ANKFN1: variants seen among roughly 807,000 people sequenced by gnomAD.
The protein encoded by ANKFN1 is ankyrin repeat and fibronectin type III domain containing 1, also known as ankyrin repeat and fibronectin type-III domain-containing protein 1.
ANKFN1 carries 74 observed loss-of-function variants against 108.7 expected under a neutral mutation model. The observed-to-expected ratio is 0.68, with a 90% confidence interval of 0.56 to 0.83. The LOEUF is 0.83. Ranked by LOEUF, ANKFN1 falls within the 40% of genes least tolerant of loss-of-function variation. The probability of loss-of-function intolerance (pLI) is 0.00; values close to 1 mark genes in which losing one functional copy is unlikely to be tolerated. For synonymous variants in ANKFN1, 547 were observed against 516.2 expected (o/e 1.06, Z -0.81); for missense variants, 1,505 against 1,382.3 (o/e 1.09, Z -1.41).
intron 4 of ANKFN1, among the ~76,000 whole-genome samples, chr17:56,082,249 CA>C (rs1905254790): frequency 6.6e-6 from 1 of 151,580 alleles, no homozygotes; most frequent in African/African-American, 2.4e-5. Flanking sequence ...CTTCCTGATA[CA>C]ACCAAGTTTT....
chr17:56,400,831 T>G (rs2047738401), intron 8 of ANKFN1, among the ~76,000 whole-genome samples: 1 of 152,158 alleles, frequency 6.6e-6, no homozygotes, highest in African/African-American at 2.4e-5. Flanking sequence ...CCAGCACCAT[T>G]TGTTGAAAAG....
intron 3 of ANKFN1, among the ~76,000 whole-genome samples, chr17:56,304,541 C>T (rs1465176713): frequency 6.6e-6 from 1 of 152,118 alleles, no homozygotes; most frequent in Non-Finnish European, 1.5e-5. Context: ...ATGTTAATTA[C>T]ATGCTTAGTT....
chr17:56,104,640 A>G (rs997287845), intron 4 of ANKFN1, among the ~76,000 whole-genome samples: 2 of 152,184 alleles, frequency 1.3e-5, no homozygotes, highest in Admixed American at 1.3e-4. Context: ...CACAGTAGTC[A>G]TGGAGGCTCA....
At chr17:56,429,341 T>C (rs987243473) in intron 8 of ANKFN1, among the ~76,000 whole-genome samples, 1 of 152,238 alleles carries the variant, frequency 6.6e-6, no homozygotes, top group Non-Finnish European at 1.5e-5. Flanking sequence ...CAGATCATGA[T>C]GCCTTGTAGG....
At position 56,428,531 on chromosome 17, in the gene ANKFN1, T is replaced by C. The variant is rs2048651592; in HGVS notation, c.911-11796T>C. Among the ~76,000 whole-genome samples the C allele has an allele frequency of 2.0e-5, 3 of 151,382 alleles. No individual in the cohort carries two copies. In the South Asian group the frequency reaches 6.3e-4, roughly 32 times the overall value. ...AGGCTGGAGTGCAGTGGCACAATCT[T>C]GGCTCACTGCAACCTCCGCCTCCCG... On this transcript the variant is annotated intron_variant, in intron 8 of 20. Coordinates refer to ENST00000682825, the MANE Select transcript of ANKFN1 (RefSeq NM_001370326.1).
intron 4 of ANKFN1, among the ~76,000 whole-genome samples, chr17:56,104,204 T>C (rs2143229619): frequency 6.6e-6 from 1 of 152,354 alleles, no homozygotes; most frequent in East Asian, 1.9e-4. Flanking sequence ...ATGTAGATTG[T>C]ATACACATAC....
chr17:56,089,738 T>TC (rs372282757), intron 4 of ANKFN1, among the ~76,000 whole-genome samples: 1 of 151,378 alleles, frequency 6.6e-6, no homozygotes, highest in East Asian at 1.9e-4. Flanking sequence ...GAAGGAAGGC[T>TC]CTAGGGTGTA....
intron 20 of ANKFN1, among the ~76,000 whole-genome samples, chr17:56,508,257 T>C (rs1567715151): frequency 6.6e-6 from 1 of 152,224 alleles, no homozygotes; most frequent in South Asian, 2.1e-4. Flanking sequence ...TGTCAATTCT[T>C]CAAAATTCTT....
intron 8 of ANKFN1, among the ~76,000 whole-genome samples, chr17:56,387,550 A>G (rs1397003248): frequency 6.6e-6 from 1 of 152,234 alleles, no homozygotes; most frequent in Non-Finnish European, 1.5e-5. Flanking sequence ...TTGGGAATTT[A>G]ACATTCTTAC....
At chr17:56,230,345 T>C (rs764008688) in intron 3 of ANKFN1, among the ~76,000 whole-genome samples, 17 of 152,156 alleles carry the variant, frequency 1.1e-4, no homozygotes, top group Non-Finnish European at 2.2e-4. Context: ...AAGTATCTTT[T>C]TGGGGAAGGA....
chr17:56,500,728 A>T (rs193165735), intron 20 of ANKFN1, among the ~76,000 whole-genome samples: 138 of 152,320 alleles, frequency 9.1e-4, no homozygotes, highest in Middle Eastern at 3.4e-3. Context: ...AGTTTGGCTG[A>T]AACTCAGGAT....
At chr17:56,426,025 A>G (rs1353061565) in intron 8 of ANKFN1, among the ~76,000 whole-genome samples, 1 of 152,266 alleles carries the variant, frequency 6.6e-6, no homozygotes, top group African/African-American at 2.4e-5. Flanking sequence ...TGAATGTACC[A>G]GCAATTAGCT....
intron 4 of ANKFN1, among the ~76,000 whole-genome samples, chr17:56,115,332 T>C (rs79651739): frequency 0.011 from 1,643 of 152,208 alleles, 25 homozygotes; most frequent in African/African-American, 0.037. Flanking sequence ...TAAGCAGATG[T>C]TAAAGTGAAT....
At position 56,089,658 on chromosome 17, in the gene ANKFN1, G is replaced by A. The variant is rs146614672; in HGVS notation, c.288+43333G>A. Among the ~76,000 whole-genome samples, 489 of 151,224 alleles carry A rather than the reference G, an allele frequency of 3.2e-3. 14 individuals carry two copies. The highest frequency in any genetic ancestry group is 0.011 in the African/African-American group (458 of 41,230). On this transcript the variant is annotated intron_variant, in intron 4 of 12. Transcript: ENST00000635860. ...ATTCAATTAAATAGATGTATTTTGC[G>A]TGGCTGCCAGGCATAAGGCGCAAAG...
At chr17:56,311,900 C>T (rs1328660067) in intron 3 of ANKFN1, among the ~76,000 whole-genome samples, 1 of 151,932 alleles carries the variant, frequency 6.6e-6, no homozygotes, top group Non-Finnish European at 1.5e-5. Flanking sequence ...AGAAGGGATA[C>T]TCAACTTGTA....
At chr17:56,107,910 G>A (rs1905780970) in intron 4 of ANKFN1, among the ~76,000 whole-genome samples, 1 of 152,100 alleles carries the variant, frequency 6.6e-6, no homozygotes, top group South Asian at 2.1e-4. Flanking sequence ...TTGCCAGGCT[G>A]GAGTGCAATG....
intron 8 of ANKFN1, among the ~76,000 whole-genome samples, chr17:56,410,055 G>T (rs1021338120): frequency 1.3e-5 from 2 of 152,154 alleles, no homozygotes; most frequent in Admixed American, 1.3e-4. Flanking sequence ...AACCCCAAAT[G>T]ACAGAGTTTT....
intron 3 of ANKFN1, among the ~76,000 whole-genome samples, chr17:56,258,780 G>T (rs1030566260): frequency 6.6e-6 from 1 of 152,000 alleles, no homozygotes; most frequent in Non-Finnish European, 1.5e-5. Context: ...GCATGGTGGC[G>T]GGCGCCTGTA....
At chr17:56,216,087 G>A (rs1915408458) in intron 2 of ANKFN1, among the ~76,000 whole-genome samples, 1 of 152,180 alleles carries the variant, frequency 6.6e-6, no homozygotes, top group Admixed American at 6.5e-5. Flanking sequence ...CCTTTTGTGA[G>A]AAAGAACTTC....
Sources: gnomAD v4.1 joint callset for allele counts (sites outside exome capture counted in the v4.1 genomes callset) on GRCh38, gnomAD v4.1.1 for gene constraint, MANE v1.5 for transcripts, NCBI Gene and HGNC (gene_info 2026-07-23, HGNC 2026-07-21) for gene names.